The following GPC5 variants were observed in gnomAD, a reference collection of about 807,000 sequenced individuals.
GPC5 encodes the protein glypican-5.
Under a neutral mutation model 53.9 loss-of-function variants are expected in GPC5, and 47 were observed. The ratio of observed to expected loss-of-function variants is 0.87; its 90% CI spans 0.69 to 1.11. GPC5 has a LOEUF of 1.11. Among genes scored for constraint, GPC5 ranks in the 50% most tolerant of loss-of-function variants. The pLI is 0.00. For synonymous variants in GPC5, 286 were observed against 263.3 expected (o/e 1.09, Z -0.84); for missense variants, 748 against 713.1 (o/e 1.05, Z -0.56).
intron 7 of GPC5, among the ~76,000 whole-genome samples, chr13:92,731,090 T>C (rs1165426087): frequency 1.3e-5 from 2 of 151,342 alleles, no homozygotes; most frequent in African/African-American, 2.4e-5. Context: ...ACAAGGAAGC[T>C]GGTAATCCAC....
chr13:91,934,123 A>G (rs2039847841), intron 6 of GPC5, among the ~76,000 whole-genome samples: 1 of 151,952 alleles, frequency 6.6e-6, no homozygotes, highest in South Asian at 2.1e-4. Flanking sequence ...AGCCACTTTT[A>G]TGAAGTGGCT....
chr13:91,608,852 T>C (rs560109033), intron 2 of GPC5, among the ~76,000 whole-genome samples: 2 of 151,802 alleles, frequency 1.3e-5, no homozygotes, highest in African/African-American at 2.4e-5. Flanking sequence ...CTGTTAATGA[T>C]TGGACATCAG....
intron 7 of GPC5, among the ~76,000 whole-genome samples, chr13:92,269,437 G>T (rs974966924): frequency 1.3e-5 from 2 of 151,266 alleles, no homozygotes; most frequent in Admixed American, 6.6e-5. Flanking sequence ...ACAGAGTCTC[G>T]CTCTGTCGTC....
chr13:92,719,531 T>C (rs535968002), intron 7 of GPC5, among the ~76,000 whole-genome samples: 1 of 152,332 alleles, frequency 6.6e-6, no homozygotes, highest in Non-Finnish European at 1.5e-5. Flanking sequence ...TTATACATCA[T>C]AGCTTTTCAA....
intron 7 of GPC5, chr13:92,448,393 G>T (rs901126757): frequency 1.1e-4 from 17 of 152,008 alleles, no homozygotes; most frequent in African/African-American, 3.9e-4. Flanking sequence ...CTTATAAAAT[G>T]TACATCAATA....
chr13:92,838,185 C>T (rs1357915501), intron 7 of GPC5, among the ~76,000 whole-genome samples: 1 of 151,406 alleles, frequency 6.6e-6, no homozygotes, highest in Admixed American at 6.6e-5. Context: ...TTTTAGCCCA[C>T]TGAAAGTAAA....
intron 5 of GPC5, among the ~76,000 whole-genome samples, chr13:91,838,056 C>G (rs1566295733): frequency 6.6e-6 from 1 of 152,106 alleles, no homozygotes; most frequent in Non-Finnish European, 1.5e-5. Context: ...ACAAATGGAG[C>G]AGAGAGCCCA....
intron 3 of GPC5, among the ~76,000 whole-genome samples, chr13:91,706,290 A>T (rs962102385): frequency 2.6e-5 from 4 of 152,038 alleles, no homozygotes; most frequent in African/African-American, 7.3e-5. Context: ...GTAGCAAATA[A>T]TTTTTGCCCC....
intron 7 of GPC5, among the ~76,000 whole-genome samples, chr13:92,796,297 G>T (rs1279701111): frequency 6.6e-6 from 1 of 152,014 alleles, no homozygotes; most frequent in Non-Finnish European, 1.5e-5. Context: ...TCACTCATAG[G>T]TGGGAACTGA....
At chr13:91,439,261 A>G (rs920014476) in intron 1 of GPC5, among the ~76,000 whole-genome samples, 5 of 152,256 alleles carry the variant, frequency 3.3e-5, no homozygotes, top group African/African-American at 1.2e-4. Context: ...GTGCATACAC[A>G]TGCTAGTGGC....
intron 5 of GPC5, among the ~76,000 whole-genome samples, chr13:91,857,487 T>C (rs992708745): frequency 6.6e-6 from 1 of 151,432 alleles, no homozygotes; most frequent in Non-Finnish European, 1.5e-5. Flanking sequence ...TATAATTTAT[T>C]TTCACATATT....
At chr13:92,760,491 T>C (rs1032900860) in intron 7 of GPC5, among the ~76,000 whole-genome samples, 31 of 152,104 alleles carry the variant, frequency 2.0e-4, no homozygotes, top group African/African-American at 6.8e-4. Context: ...CTTATGATCC[T>C]TTCTTTTCTG....
intron 3 of GPC5, among the ~76,000 whole-genome samples, chr13:91,713,772 C>G (rs1166361547): frequency 6.6e-6 from 1 of 152,148 alleles, no homozygotes; most frequent in African/African-American, 2.4e-5. Flanking sequence ...AAGAGTCATC[C>G]TTGACACTTA....
intron 7 of GPC5, among the ~76,000 whole-genome samples, chr13:92,527,897 G>A (rs576882240): frequency 3.3e-5 from 5 of 152,070 alleles, no homozygotes; most frequent in African/African-American, 9.7e-5. Context: ...GTGTGACTTA[G>A]TTGTGATATA....
chr13:91,966,671 G>C (rs775287007), intron 6 of GPC5, among the ~76,000 whole-genome samples: 2 of 152,132 alleles, frequency 1.3e-5, no homozygotes, highest in Non-Finnish European at 2.9e-5. Flanking sequence ...CTAGTCAAAA[G>C]TTTAGTTACC....
intron 7 of GPC5, among the ~76,000 whole-genome samples, chr13:92,789,247 G>A (rs372587605): frequency 7.9e-5 from 12 of 152,098 alleles, no homozygotes; most frequent in African/African-American, 2.7e-4. Context: ...CCCTTGTTAG[G>A]GGGGTCAGTT....
chr13:92,306,112 T>C (rs551774441), intron 7 of GPC5, among the ~76,000 whole-genome samples: 2 of 152,304 alleles, frequency 1.3e-5, no homozygotes, highest in South Asian at 2.1e-4. Context: ...GGGAAGTAGA[T>C]TGTAAGATGC....
chr13:92,574,322 T>A (rs1023829212), intron 7 of GPC5, among the ~76,000 whole-genome samples: 3 of 152,170 alleles, frequency 2.0e-5, no homozygotes, highest in Admixed American at 6.5e-5. Context: ...CATTTAATCC[T>A]CTAACAACCC....
intron 7 of GPC5, among the ~76,000 whole-genome samples, chr13:92,276,491 A>G (rs2042876783): frequency 6.6e-6 from 1 of 152,126 alleles, no homozygotes; most frequent in African/African-American, 2.4e-5. Flanking sequence ...GATTCAAAAA[A>G]CACAATATTT....
Sources: gnomAD v4.1 joint callset for allele counts (sites outside exome capture counted in the v4.1 genomes callset) on GRCh38, gnomAD v4.1.1 for gene constraint, MANE v1.5 for transcripts, NCBI Gene and HGNC (gene_info 2026-07-23, HGNC 2026-07-21) for gene names.